TMEM39A: variants seen among roughly 807,000 people sequenced by gnomAD.
TMEM39A encodes suppressor of SQST-1 aggregates in rpl-43 mutants.
A neutral mutation model predicts 51.9 loss-of-function variants in TMEM39A; 19 were observed. The ratio of observed to expected loss-of-function variants is 0.37; its 90% CI spans 0.26 to 0.54. The LOEUF (loss-of-function observed/expected upper bound fraction) is 0.54, where lower values mean the gene tolerates loss of function less well. Ranked by LOEUF, TMEM39A falls within the 20% of genes least tolerant of loss-of-function variation. The pLI is 0.88. For synonymous variants in TMEM39A, 197 were observed against 220.2 expected, an observed-to-expected ratio of 0.89 and a Z score of 0.93; for missense variants, 433 against 590.5, an observed-to-expected ratio of 0.73 and a Z score of 2.76.
chr3:119,435,540 G>A (rs1487911738), intron 7 of TMEM39A: 5 of 983,972 alleles, frequency 5.1e-6, no homozygotes, highest in Non-Finnish European at 6.0e-6. Context: ...GCATAATGGA[G>A]TTTGGGTGGG....
At chr3:119,456,260 C>T (rs1164540922) in intron 3 of TMEM39A, among the ~76,000 whole-genome samples, 1 of 152,008 alleles carries the variant, frequency 6.6e-6, no homozygotes, top group African/African-American at 2.4e-5. Flanking sequence ...AGTACAGTTC[C>T]TACACTCAAT....
chr3:119,438,082 A>G lies in TMEM39A; in HGVS notation c.597T>C (p.Leu199=). The G allele has an allele frequency of 1.9e-6, 3 of 1,590,384 alleles. No individual in the cohort carries two copies. Among genetic ancestry groups the G allele is most frequent in the Non-Finnish European group, 2.6e-6 (3 of 1,160,400 alleles). ...CTCTACTATCTTGATGAAAACAGCA[A>G]AGAGGAACATAAACACCAAACCTGT... ...LGYPFGVYVP[L]CCFHQDSRAH... is the part of the protein sequence containing the mutation. The change falls in exon 6 of 9, where the codon CTT becomes CTC. Residue 199 remains leucine, a synonymous_variant. Coordinates refer to ENST00000319172, the MANE Select transcript of TMEM39A (RefSeq NM_018266.3).
In TMEM39A at chr3:119,430,986, G is replaced by A. The variant is rs1311089859; in HGVS notation, c.*995C>T. Reference sequence around the variant, plus strand: ...TTAAAAGGCTAATACTCATAAACATGAAAGTTCTGGAGTATGAAATTTAAA... The same window carrying A: ...TTAAAAGGCTAATACTCATAAACATAAAAGTTCTGGAGTATGAAATTTAAA... On this transcript the variant is annotated 3_prime_UTR_variant, in exon 9 of 9. Coordinates refer to ENST00000319172, the MANE Select transcript of TMEM39A (RefSeq NM_018266.3). 2 of 152,106 alleles carry A rather than the reference G, an allele frequency of 1.3e-5. No homozygotes were observed. The highest frequency in any genetic ancestry group is 2.9e-5 in the Non-Finnish European group (2 of 68,004). 9.4% of individuals were successfully genotyped at this position (152,106 alleles called of 1,614,324 possible). A position where few individuals can be genotyped will look rare whatever the true frequency, so the allele number is the denominator to read the frequency against.
intron 5 of TMEM39A, among the ~76,000 whole-genome samples, chr3:119,445,640 C>A (rs1286788682): frequency 6.6e-6 from 1 of 152,162 alleles, no homozygotes; most frequent in African/African-American, 2.4e-5. Context: ...GTTAATGATA[C>A]ACACATGCTG....
chr3:119,458,310 G>A (rs1379311321), intron 2 of TMEM39A, 70 bp from the exon 3 acceptor site: 5 of 1,338,298 alleles, frequency 3.7e-6, no homozygotes, highest in African/African-American at 1.5e-5. Flanking sequence ...AAGGGCTCCT[G>A]CTGTCTCCTC....
intron 5 of TMEM39A, among the ~76,000 whole-genome samples, chr3:119,441,316 G>A (rs528509704): frequency 9.2e-5 from 14 of 152,320 alleles, no homozygotes; most frequent in South Asian, 2.1e-4. Flanking sequence ...TTAGCTAGCC[G>A]AATTGTAAAT....
rs76101919 is a variant in TMEM39A at position 119,458,456 on chromosome 3, T to G, written c.114-216A>C. Among the ~76,000 whole-genome samples the G allele has an allele frequency of 7.8e-3, 1,185 of 152,288 alleles. 20 individuals are homozygous for G. Among genetic ancestry groups the G allele is most frequent in the South Asian group, 0.071 (345 of 4,826 alleles). On this transcript the variant is annotated intron_variant, in intron 2 of 8. Transcript: ENST00000319172. ...CTCCTACATGATGAAGACTATAATTTCTCTCCATAGAGCTCACTGCTAAAT... is the reference window on the plus strand; with the variant it reads ...CTCCTACATGATGAAGACTATAATTGCTCTCCATAGAGCTCACTGCTAAAT...
intron 5 of TMEM39A, 61 bp from the exon 6 acceptor site, chr3:119,438,164 T>TA: frequency 2.3e-6 from 3 of 1,303,390 alleles, no homozygotes; most frequent in Non-Finnish European, 3.2e-6. Flanking sequence ...CCTTATAACT[T>TA]ACGTCAATAT....
At position 119,435,544 on chromosome 3, in the gene TMEM39A, G is replaced by T. The variant is rs961631506; in HGVS notation, c.1113-662C>A. The T allele has an allele frequency of 2.9e-5, 29 of 984,316 alleles. No homozygotes were observed. In the South Asian group the frequency reaches 1.3e-3, roughly 43 times the overall value. 61.0% of individuals were successfully genotyped at this position (984,316 alleles called of 1,614,324 possible). ...CATTCTTTCCAGCATAATGGAGTTT[G>T]GGTGGGGACAGGGATCTTCAGGTTA... On this transcript the variant is annotated intron_variant, in intron 7 of 8. Transcript: ENST00000319172.
Position 119,430,717 on chromosome 3 carries a change from C to T in TMEM39A, c.*1264G>A, listed in dbSNP as rs1162964459. On this transcript the variant is annotated 3_prime_UTR_variant, in exon 9 of 9. Coordinates refer to ENST00000319172, the MANE Select transcript of TMEM39A (RefSeq NM_018266.3). The stretch of plus-strand genomic sequence containing the variant: ...TACAAACACTCCTCACAATACTTCC[C>T]CTTGGTGAAGCCTTTCAGGAACTCT... 6.6e-6 allele frequency: 1 copy of T among 152,128 alleles called. No individual in the cohort carries two copies. The highest frequency in any genetic ancestry group is 1.5e-5 in the Non-Finnish European group (1 of 68,002). The allele number at this position is 152,128 out of a possible 1,614,324, so 9.4% of individuals were successfully genotyped here. A position where few individuals can be genotyped will look rare whatever the true frequency, so the allele number is the denominator to read the frequency against.
rs542064782 is a variant in TMEM39A, at chr3:119,430,489, T to C, written c.*1492A>G. 6.6e-6 allele frequency: 1 copy of C among 152,066 alleles called. No individual in the cohort carries two copies. 9.4% of individuals were successfully genotyped at this position (152,066 alleles called of 1,614,324 possible). On this transcript the variant is annotated 3_prime_UTR_variant, in exon 9 of 9. Coordinates refer to ENST00000319172, the MANE Select transcript of TMEM39A (RefSeq NM_018266.3). ...ACGCATATTGTAAGCTCTGTGCAAG[T>C]AGGACCTTTGCATTTCTCATTCACT...
At chr3:119,435,785 C>G (rs1030328393) in intron 7 of TMEM39A, 1 of 1,204,482 alleles carries the variant, frequency 8.3e-7, no homozygotes, top group East Asian at 6.1e-5. Context: ...ACCTCATGGC[C>G]ATGTGCCATC....
intron 5 of TMEM39A, among the ~76,000 whole-genome samples, chr3:119,442,872 C>A (rs1340308936): frequency 6.6e-6 from 1 of 151,994 alleles, no homozygotes; most frequent in Non-Finnish European, 1.5e-5. Flanking sequence ...CCAGCCTAGG[C>A]AACATAGCAA....
rs897303165 is a variant in TMEM39A at position 119,442,357 on chromosome 3, A to G, written c.576-4254T>C. ...GACTCCATCTCAAAAAAAAAAAAAAAAAGTACTTACTGCTCATTGACAGTG... is the reference window on the plus strand; with the variant it reads ...GACTCCATCTCAAAAAAAAAAAAAAGAAGTACTTACTGCTCATTGACAGTG... On this transcript the variant is annotated intron_variant, in intron 5 of 8. Coordinates refer to ENST00000319172, the MANE Select transcript of TMEM39A (RefSeq NM_018266.3). Among the ~76,000 whole-genome samples the G allele has an allele frequency of 9.2e-5, 14 of 152,128 alleles. No individual in the cohort carries two copies. The South Asian group carries it at 2.9e-3, about 32-fold the overall frequency.
At chr3:119,452,417 T>C (rs1469896397) in intron 4 of TMEM39A, 30 bp downstream of exon 4, 11 of 1,565,048 alleles carry the variant, frequency 7.0e-6, no homozygotes, top group African/African-American at 1.4e-5. Flanking sequence ...TCTAGCTACA[T>C]GTGATAGAAT....
At position 119,463,430 on chromosome 3, in the gene TMEM39A, T is replaced by G. The variant is rs1223645443; in HGVS notation, c.-169A>C. On this transcript the variant is annotated 5_prime_UTR_variant, in exon 1 of 9. Coordinates refer to ENST00000319172, the MANE Select transcript of TMEM39A (RefSeq NM_018266.3). ...AGGTAAGGGAACTCCCTCCCAGCGT[T>G]GGAACGCTGCAAACCAGCTGCTTGG... The G allele has an allele frequency of 2.5e-6, 1 of 395,430 alleles. No individual in the cohort carries two copies. Among genetic ancestry groups the G allele is most frequent in the East Asian group, 3.6e-5 (1 of 27,952 alleles). The allele number at this position is 395,430 out of a possible 1,614,324, so 24.5% of individuals were successfully genotyped here. A position where few individuals can be genotyped will look rare whatever the true frequency, so the allele number is the denominator to read the frequency against.
At chr3:119,457,991 A>C in intron 3 of TMEM39A, 27 bp downstream of exon 3, 2 of 1,549,648 alleles carry the variant, frequency 1.3e-6, no homozygotes, top group South Asian at 2.3e-5. Flanking sequence ...AGTAACATGA[A>C]GAACTTAAAG....
intron 5 of TMEM39A, chr3:119,446,791 C>G: frequency 2.2e-6 from 1 of 461,820 alleles, no homozygotes; most frequent in South Asian, 3.5e-5. Flanking sequence ...GGCAACACAC[C>G]CTACATTCCA....
rs2080946610 is a variant in TMEM39A at position 119,434,756 on chromosome 3, A to C, written c.1233+6T>G. On this transcript the variant is annotated splice_donor_region_variant and intron_variant, in intron 8 of 8. Coordinates refer to ENST00000319172, the MANE Select transcript of TMEM39A (RefSeq NM_018266.3). Reference sequence around the variant, plus strand: ...TTATGTTTGAAAATAAATAAGCGGTACTTGCATAAAAGCGGGCATGAGATA... The same window carrying C: ...TTATGTTTGAAAATAAATAAGCGGTCCTTGCATAAAAGCGGGCATGAGATA... The C allele has an allele frequency of 6.2e-7, 1 of 1,613,352 alleles. No individual in the cohort carries two copies.
Sources: gnomAD v4.1 joint callset for allele counts (sites outside exome capture counted in the v4.1 genomes callset) on GRCh38, gnomAD v4.1.1 for gene constraint, MANE v1.5 for transcripts, NCBI Gene and HGNC (gene_info 2026-07-23, HGNC 2026-07-21) for gene names.